The following SGCZ variants were observed in gnomAD, a reference collection of about 807,000 sequenced individuals.
The protein encoded by SGCZ is zeta-sarcoglycan.
A neutral mutation model predicts 41.3 loss-of-function variants in SGCZ; 40 were observed. That is an observed-to-expected ratio of 0.97 (90% CI 0.75 to 1.26). The LOEUF (loss-of-function observed/expected upper bound fraction) is 1.26. Among genes scored for constraint, SGCZ ranks in the 50% most tolerant of loss-of-function variants. SGCZ has a pLI of 0.00. For synonymous variants in SGCZ, 206 were observed against 137.5 expected (o/e 1.50, Z -3.49); for missense variants, 552 against 369.8 (o/e 1.49, Z -4.04).
chr8:14,394,136 C>CG (rs2117225265), intron 2 of SGCZ, among the ~76,000 whole-genome samples: 1 of 139,876 alleles, frequency 7.1e-6, no homozygotes, highest in African/African-American at 3.1e-5. Context: ...GCCCTACCGC[C>CG]CCCCACCTTT....
intron 1 of SGCZ, among the ~76,000 whole-genome samples, chr8:15,152,616 G>A (rs372099736): frequency 1.2e-4 from 19 of 152,240 alleles, no homozygotes; most frequent in Middle Eastern, 3.4e-3. Flanking sequence ...AAGGCACGGC[G>A]AGTAGAAAAC....
intron 4 of SGCZ, among the ~76,000 whole-genome samples, chr8:14,217,400 T>C (rs1368216394): frequency 1.3e-5 from 2 of 151,744 alleles, no homozygotes; most frequent in Admixed American, 6.6e-5. Context: ...GAAACGCCTA[T>C]TGTCAATCTC....
intron 1 of SGCZ, among the ~76,000 whole-genome samples, chr8:14,945,293 GA>G: frequency 6.6e-6 from 1 of 152,182 alleles, no homozygotes; most frequent in South Asian, 2.1e-4. Context: ...TTTGCATTAT[GA>G]TCTTCCCATT....
intron 3 of SGCZ, among the ~76,000 whole-genome samples, chr8:14,281,775 T>A (rs905256517): frequency 6.6e-6 from 1 of 152,078 alleles, no homozygotes; most frequent in African/African-American, 2.4e-5. Flanking sequence ...TTATATCTTA[T>A]TGTAATAAAT....
chr8:15,144,738 T>C lies in SGCZ; in HGVS notation c.39+92847A>G, dbSNP rs1457257868. 3.3e-5 allele frequency among the ~76,000 whole-genome samples: 5 copies of C among 152,376 alleles called. No individual in the cohort carries two copies. In the East Asian group the frequency reaches 9.6e-4, roughly 29 times the overall value. ...TCCCAAAGTGCTGGGGTTACAGGCA[T>C]GAGCAACGGCGCCCAGCCAACATTC... On this transcript the variant is annotated intron_variant, in intron 1 of 7. Coordinates refer to ENST00000382080, the MANE Select transcript of SGCZ (RefSeq NM_139167.4).
rs200810277 is a variant in SGCZ at position 14,342,338 on chromosome 8, G to A, written c.235-18134C>T. Among the ~76,000 whole-genome samples the A allele has an allele frequency of 7.9e-5, 12 of 152,038 alleles. 1 individual carries two copies. The Middle Eastern group carries it at 0.014, about 174-fold the overall frequency. On this transcript the variant is annotated intron_variant, in intron 2 of 7. Coordinates refer to ENST00000382080, the MANE Select transcript of SGCZ (RefSeq NM_139167.4). ...AAATTTCTTTTTTTTTCTTTTTGAG[G>A]TGCAGTCTCACTCTGTCGCCCAGGC...
intron 1 of SGCZ, among the ~76,000 whole-genome samples, chr8:15,173,007 T>C (rs1265229146): frequency 6.6e-6 from 1 of 152,232 alleles, no homozygotes; most frequent in African/African-American, 2.4e-5. Flanking sequence ...GATAACAATG[T>C]TGTGATAATT....
intron 1 of SGCZ, among the ~76,000 whole-genome samples, chr8:14,812,920 T>C (rs1455978849): frequency 6.6e-6 from 1 of 152,344 alleles, no homozygotes; most frequent in East Asian, 1.9e-4. Flanking sequence ...TATTCCCTAA[T>C]GTTCCTGAAT....
At chr8:14,937,544 A>G (rs950773623) in intron 1 of SGCZ, among the ~76,000 whole-genome samples, 2 of 152,076 alleles carry the variant, frequency 1.3e-5, no homozygotes, top group African/African-American at 2.4e-5. Flanking sequence ...TATATCAGCC[A>G]AGGAAGAAAA....
At chr8:14,309,340 C>A in intron 3 of SGCZ, 1 of 1,602,602 alleles carries the variant, frequency 6.2e-7, no homozygotes, top group Non-Finnish European at 8.5e-7. Context: ...ATGAGAAAAA[C>A]AAATGGGGAG....
At chr8:14,706,255 G>T (rs1326655758) in intron 1 of SGCZ, among the ~76,000 whole-genome samples, 1 of 151,806 alleles carries the variant, frequency 6.6e-6, no homozygotes, top group Non-Finnish European at 1.5e-5. Flanking sequence ...TTTAAAACCA[G>T]AATAAAACAA....
chr8:15,097,859 TGTGTGTGTATATATATATATATAC>T (rs1806426188), intron 1 of SGCZ, among the ~76,000 whole-genome samples: 5 of 4,328 alleles, frequency 1.2e-3, no homozygotes, highest in South Asian at 0.014. Context: ...TATATATACG[TGTGTGTGTATATATATATATATAC>T]GTGTGTATAT....
chr8:14,114,666 A>G (rs1301556595), intron 5 of SGCZ, among the ~76,000 whole-genome samples: 1 of 151,996 alleles, frequency 6.6e-6, no homozygotes, highest in East Asian at 1.9e-4. Flanking sequence ...CAAAAGGAAA[A>G]TGCATTAAAA....
chr8:15,089,964 A>C (rs2131060654), intron 1 of SGCZ, among the ~76,000 whole-genome samples: 1 of 152,340 alleles, frequency 6.6e-6, no homozygotes. Flanking sequence ...TGTGTGAGAT[A>C]ATACGGTTAT....
chr8:14,835,822 G>T (rs968405988), intron 1 of SGCZ, among the ~76,000 whole-genome samples: 4 of 152,166 alleles, frequency 2.6e-5, no homozygotes, highest in African/African-American at 9.7e-5. Context: ...CAGTTGCTGG[G>T]AAATGTTTTC....
intron 1 of SGCZ, among the ~76,000 whole-genome samples, chr8:14,691,681 G>A (rs144379847): frequency 2.6e-5 from 4 of 152,128 alleles, no homozygotes; most frequent in African/African-American, 9.6e-5. Flanking sequence ...AAGCATAGAT[G>A]TAAGAATATG....
At chr8:15,069,539 C>T (rs558512434) in intron 1 of SGCZ, among the ~76,000 whole-genome samples, 1 of 152,292 alleles carries the variant, frequency 6.6e-6, no homozygotes, top group Non-Finnish European at 1.5e-5. Context: ...AGTATACTGG[C>T]CCAATATGTT....
chr8:14,881,621 C>A (rs1187754572), intron 1 of SGCZ, among the ~76,000 whole-genome samples: 2 of 152,100 alleles, frequency 1.3e-5, no homozygotes, highest in Non-Finnish European at 2.9e-5. Flanking sequence ...ATCTCCCACA[C>A]AATAATAGTG....
At chr8:14,281,570 T>C (rs909145898) in intron 3 of SGCZ, among the ~76,000 whole-genome samples, 1 of 152,040 alleles carries the variant, frequency 6.6e-6, no homozygotes, top group South Asian at 2.1e-4. Context: ...GGGCCTCCAA[T>C]TTATAGACCA....
Sources: allele counts gnomAD v4.1 joint callset (sites outside exome capture counted in the v4.1 genomes callset), GRCh38; gene constraint gnomAD v4.1.1; transcripts MANE v1.5; gene names NCBI Gene and HGNC (gene_info 2026-07-23, HGNC 2026-07-21).